UNC13A: variants seen among roughly 807,000 people sequenced by gnomAD.
UNC13A encodes protein unc-13 homolog A.
A neutral mutation model predicts 219.7 loss-of-function variants in UNC13A; 61 were observed. The ratio of observed to expected loss-of-function variants is 0.28; its 90% CI spans 0.23 to 0.34. The LOEUF (loss-of-function observed/expected upper bound fraction) is 0.34. UNC13A is among the 10% of genes least tolerant of loss of function. The pLI is 1.00. For synonymous variants in UNC13A, 920 were observed against 884.6 expected (o/e 1.04, Z -0.71); for missense variants, 1,476 against 2,270.3 (o/e 0.65, Z 7.11).
At chr19:17,676,550 G>T (rs1874587078) in intron 1 of UNC13A, among the ~76,000 whole-genome samples, 2 of 152,186 alleles carry the variant, frequency 1.3e-5, no homozygotes, top group African/African-American at 4.8e-5. Flanking sequence ...GAAGAAGAAG[G>T]CGAGGATAAA....
At chr19:17,618,826 C>A (rs536561591) in intron 39 of UNC13A, 80 bp downstream of exon 39, 1 of 1,391,966 alleles carries the variant, frequency 7.2e-7, no homozygotes, top group East Asian at 2.3e-5. Flanking sequence ...TGGGACCCCT[C>A]CCCCAGGATG....
intron 38 of UNC13A, among the ~76,000 whole-genome samples, chr19:17,619,968 T>C (rs2076710395): frequency 6.6e-6 from 1 of 152,204 alleles, no homozygotes; most frequent in South Asian, 2.1e-4. Context: ...TGTGGCTTAG[T>C]CTGGACTGAA....
intron 11 of UNC13A, among the ~76,000 whole-genome samples, chr19:17,654,833 C>G (rs371213248): frequency 1.3e-5 from 2 of 152,158 alleles, no homozygotes; most frequent in African/African-American, 2.4e-5. Flanking sequence ...TGACTTCAGC[C>G]CAGTTTCAGC....
At chr19:17,686,314 C>T (rs1006840563) in intron 1 of UNC13A, among the ~76,000 whole-genome samples, 2 of 92,040 alleles carry the variant, frequency 2.2e-5, no homozygotes, top group Non-Finnish European at 5.1e-5. Flanking sequence ...CCCCCCCCCC[C>T]CCCACTCCAC....
chr19:17,621,640 C>T (rs1220090724), intron 37 of UNC13A, among the ~76,000 whole-genome samples, 192 bp downstream of exon 37: 2 of 152,054 alleles, frequency 1.3e-5, no homozygotes, highest in African/African-American at 4.8e-5. Flanking sequence ...TGTGGACACA[C>T]ACACTGCACG....
At chr19:17,606,503 C>A in intron 43 of UNC13A, 149 bp from the exon 44 acceptor site, 1 of 1,198,524 alleles carries the variant, frequency 8.3e-7, no homozygotes, top group Non-Finnish European at 1.1e-6. Context: ...GCCCCTGCCC[C>A]GTTACTTGAC....
In UNC13A at chr19:17,601,557, C is replaced by T. The variant is rs895838729; in HGVS notation, c.*4497G>A. 6.6e-6 allele frequency: 1 copy of T among 152,422 alleles called. No homozygotes were observed. Among genetic ancestry groups the T allele is most frequent in the African/African-American group, 2.4e-5 (1 of 41,452 alleles). 9.4% of individuals were successfully genotyped at this position (152,422 alleles called of 1,614,324 possible). A position where few individuals can be genotyped will look rare whatever the true frequency, so the allele number is the denominator to read the frequency against. On this transcript the variant is annotated 3_prime_UTR_variant, in exon 44 of 44. Coordinates refer to ENST00000519716, the MANE Select transcript of UNC13A (RefSeq NM_001080421.3). ...TCAAAACAAAACAAAAAACAAACAA[C>T]GTTTTGATTTCACATCTGCAATCAC...
At chr19:17,652,770 G>A in intron 11 of UNC13A, 93 bp from the exon 12 acceptor site, 5 of 1,423,290 alleles carry the variant, frequency 3.5e-6, no homozygotes, top group Non-Finnish European at 4.9e-6. Flanking sequence ...CTCTGGGCTG[G>A]GAGTCAGATG....
intron 28 of UNC13A, 104 bp downstream of exon 28, chr19:17,632,669 CATGCCCCTG>C (rs1303695477): frequency 6.6e-7 from 1 of 1,504,500 alleles, no homozygotes; most frequent in Non-Finnish European, 9.1e-7. Flanking sequence ...AAGCCCCACC[CATGCCCCTG>C]ATGCCCAGGT....
At position 17,645,660 on chromosome 19, in the gene UNC13A, C is replaced by A. The variant is rs1417752268; in HGVS notation, c.2356+14G>T. ...GACCCGTCCCCACCCGCTTCAGAAC[C>A]CAGCTTCTCTCACCCAGGTTGTACC... is the stretch of plus-strand genomic sequence containing the variant. On this transcript the variant is annotated intron_variant, in intron 19 of 43. Coordinates refer to ENST00000519716, the MANE Select transcript of UNC13A (RefSeq NM_001080421.3). 1.9e-6 allele frequency: 3 copies of A among 1,614,046 alleles called. No homozygotes were observed. Among genetic ancestry groups the A allele is most frequent in the Non-Finnish European group, 2.5e-6 (3 of 1,179,924 alleles).
At position 17,648,367 on chromosome 19, in the gene UNC13A, C is replaced by T. The variant is rs1275465944; in HGVS notation, c.1816+64G>A. 14 of 1,417,586 alleles carry T rather than the reference C, an allele frequency of 9.9e-6. No homozygotes were observed. In the Admixed American group the frequency reaches 1.3e-4, roughly 14 times the overall value. The allele number at this position is 1,417,586 out of a possible 1,614,324, so 87.8% of individuals were successfully genotyped here. A position where few individuals can be genotyped will look rare whatever the true frequency, so the allele number is the denominator to read the frequency against. On this transcript the variant is annotated intron_variant, in intron 16 of 43. Coordinates refer to ENST00000519716, the MANE Select transcript of UNC13A (RefSeq NM_001080421.3). Reference sequence around the variant, plus strand: ...ATCGCCTTGCCCTTCAGCCTTTCCCCGCCATGCAAGCCCCGGGGCTCCCCA... The same window carrying T: ...ATCGCCTTGCCCTTCAGCCTTTCCCTGCCATGCAAGCCCCGGGGCTCCCCA...
intron 3 of UNC13A, among the ~76,000 whole-genome samples, chr19:17,673,897 G>A (rs2079844320): frequency 6.6e-6 from 1 of 152,070 alleles, no homozygotes; most frequent in Admixed American, 6.6e-5. Flanking sequence ...TGTAATCCCA[G>A]CTAGTTGGGA....
At chr19:17,662,468 GTAATAA>G (rs71336630) in intron 8 of UNC13A, among the ~76,000 whole-genome samples, 10,424 of 151,698 alleles carry the variant, frequency 0.069, 579 homozygotes, top group African/African-American at 0.15. Context: ...ATACTATAAT[GTAATAA>G]TAATAATAAT....
intron 36 of UNC13A, 105 bp downstream of exon 36, chr19:17,623,437 G>A: frequency 1.2e-6 from 1 of 851,744 alleles, no homozygotes. Context: ...TGGTGGGTGA[G>A]GAGGGGGCGC....
At chr19:17,670,664 G>A (rs528897977) in intron 4 of UNC13A, among the ~76,000 whole-genome samples, 3 of 152,164 alleles carry the variant, frequency 2.0e-5, no homozygotes, top group South Asian at 2.1e-4. Flanking sequence ...AGCACTTTGC[G>A]AGGCCAAGGT....
rs565106177 is a variant in UNC13A, at chr19:17,641,488, G to A, written c.2541C>T (p.Asp847=). The A allele has an allele frequency of 1.1e-4, 174 of 1,613,914 alleles. 1 individual carries two copies. The South Asian group carries it at 1.5e-3, about 14-fold the overall frequency. Residue 847 remains aspartate (D), a synonymous_variant, in exon 21 of 44, where the codon GAC becomes GAT. Coordinates refer to ENST00000519716, the MANE Select transcript of UNC13A (RefSeq NM_001080421.3). ...GVVKIPDAKG[D]DAWKVYYDET... ...CATCGTAGTAAACCTTCCAGGCATC[G>A]TCACCCTTGGCATCTGGGATCTTCA...
In UNC13A at chr19:17,649,953, G is replaced by A. The variant is rs2079313295; in HGVS notation, c.1440-366C>T. On this transcript the variant is annotated intron_variant, in intron 12 of 43. Transcript: ENST00000519716. This position sits in a 1 kb window ranked among gnomAD's most constrained non-coding sequence, Gnocchi z 4.4. ...AGGAATTCAAGCAAACTAGAAGCTA[G>A]AAGAGGCAGGGGAGGAATTCTCTTC... Among the ~76,000 whole-genome samples the A allele has an allele frequency of 6.6e-6, 1 of 152,188 alleles. No individual in the cohort carries two copies. Among genetic ancestry groups the A allele is most frequent in the Admixed American group, 6.5e-5 (1 of 15,280 alleles).
At chr19:17,654,374 C>A (rs549061564) in intron 11 of UNC13A, among the ~76,000 whole-genome samples, 1 of 152,284 alleles carries the variant, frequency 6.6e-6, no homozygotes, top group East Asian at 1.9e-4. Flanking sequence ...CCACCTGTCT[C>A]ATTTAGAACC....
intron 8 of UNC13A, among the ~76,000 whole-genome samples, chr19:17,660,283 T>C (rs1599391059): frequency 1.3e-5 from 1 of 74,136 alleles, no homozygotes; most frequent in East Asian, 4.4e-4. Context: ...GTTTACCCAG[T>C]TTTTTTTTTT....
Sources: allele counts gnomAD v4.1 joint callset (sites outside exome capture counted in the v4.1 genomes callset), GRCh38; gene constraint gnomAD v4.1.1; non-coding constraint Gnocchi (gnomAD v3.1); transcripts MANE v1.5; gene names NCBI Gene and HGNC (gene_info 2026-07-23, HGNC 2026-07-21).